The following KREMEN1 variants were observed in gnomAD, a reference collection of about 807,000 sequenced individuals.
The protein encoded by KREMEN1 is kremen protein 1.
Under a neutral mutation model 46.5 loss-of-function variants are expected in KREMEN1, and 30 were observed. The observed-to-expected ratio is 0.65, with a 90% confidence interval of 0.48 to 0.88. The LOEUF (loss-of-function observed/expected upper bound fraction) is 0.88, where lower values mean the gene tolerates loss of function less well. KREMEN1 is among the 40% of genes least tolerant of loss of function. The pLI, the probability that KREMEN1 is intolerant of heterozygous loss-of-function variation, is 0.00. For missense variants in KREMEN1, 533 were observed against 596.9 expected, an observed-to-expected ratio of 0.89 and a Z score of 1.11; for synonymous variants, 214 against 230.6, an observed-to-expected ratio of 0.93 and a Z score of 0.65.
intron 2 of KREMEN1, 145 bp downstream of exon 2, chr22:29,094,565 C>G (rs888521364): frequency 2.3e-6 from 1 of 438,018 alleles, no homozygotes; most frequent in Non-Finnish European, 4.0e-6. Flanking sequence ...ATATTTCTTT[C>G]ACACCTTACA....
intron 3 of KREMEN1, among the ~76,000 whole-genome samples, chr22:29,120,102 TG>T: frequency 1.5e-5 from 1 of 67,488 alleles, no homozygotes; most frequent in Non-Finnish European, 3.1e-5. Context: ...GGAGAGGTGA[TG>T]AAGGAAATGG....
rs528195029 is a variant in KREMEN1, at chr22:29,082,188, A to C, written c.97+8961A>C. Among the ~76,000 whole-genome samples, 5 of 152,210 alleles carry C rather than the reference A, an allele frequency of 3.3e-5. No homozygotes were observed. In the East Asian group the frequency reaches 9.6e-4, roughly 29 times the overall value. On this transcript the variant is annotated intron_variant, in intron 1 of 8. Coordinates refer to ENST00000400335, the MANE Select transcript of KREMEN1 (RefSeq NM_001039570.3). ...GGTGCCTCCTGCTTAAAGCAAACTA[A>C]GAATATAAAATTCATATTTTTATTT...
At chr22:29,136,592 G>A (rs867996723) in intron 5 of KREMEN1, among the ~76,000 whole-genome samples, 6,070 of 146,716 alleles carry the variant, frequency 0.041, 425 homozygotes, top group African/African-American at 0.15. Context: ...AAAAAAAATA[G>A]AATCCTAGCC....
chr22:29,131,546 ATATATATATATATATGTG>A (rs1569331057), intron 5 of KREMEN1, among the ~76,000 whole-genome samples: 1 of 46,370 alleles, frequency 2.2e-5, no homozygotes, highest in African/African-American at 9.2e-5. Flanking sequence ...ATATATATAT[ATATATATATATATATGTG>A]TGTGTGTGTG....
chr22:29,093,390 T>A (rs2037830889), intron 1 of KREMEN1, among the ~76,000 whole-genome samples: 1 of 152,310 alleles, frequency 6.6e-6, no homozygotes, highest in South Asian at 2.1e-4. Flanking sequence ...AAGCTAATTT[T>A]AAAAAATTGT....
intron 1 of KREMEN1, among the ~76,000 whole-genome samples, chr22:29,077,444 G>A (rs550674194): frequency 3.9e-5 from 6 of 152,302 alleles, no homozygotes; most frequent in African/African-American, 1.4e-4. Flanking sequence ...CCGCTTCCCG[G>A]GTTCTAGCAG....
intron 1 of KREMEN1, among the ~76,000 whole-genome samples, chr22:29,079,356 G>T (rs1485323440): frequency 1.3e-5 from 2 of 152,220 alleles, no homozygotes; most frequent in Non-Finnish European, 2.9e-5. Context: ...ACGCAAAGTT[G>T]CCTCTCTCCC....
At chr22:29,091,733 GTC>G (rs750736577) in intron 1 of KREMEN1, among the ~76,000 whole-genome samples, 3 of 151,800 alleles carry the variant, frequency 2.0e-5, no homozygotes, top group African/African-American at 4.8e-5. Context: ...CACACACATT[GTC>G]TCTCTCTCTC....
chr22:29,092,868 G>A (rs1195105471), intron 1 of KREMEN1, among the ~76,000 whole-genome samples: 6 of 152,178 alleles, frequency 3.9e-5, no homozygotes, highest in African/African-American at 1.4e-4. Context: ...CCAGTTACTA[G>A]GGAGGCCGAG....
intron 9 of KREMEN1, among the ~76,000 whole-genome samples, chr22:29,164,331 G>T (rs2039035854): frequency 6.6e-6 from 1 of 152,204 alleles, no homozygotes; most frequent in Non-Finnish European, 1.5e-5. Flanking sequence ...CTGGCACAAT[G>T]ATCTCAATCT....
At chr22:29,093,522 T>C (rs2037833327) in intron 1 of KREMEN1, among the ~76,000 whole-genome samples, 1 of 152,208 alleles carries the variant, frequency 6.6e-6, no homozygotes, top group African/African-American at 2.4e-5. Context: ...TAGAAACACA[T>C]TGTTGCACCT....
rs1246097117 is a variant in KREMEN1 at position 29,155,956 on chromosome 22, T to C, written c.1417-11088T>C. 1.0e-4 allele frequency among the ~76,000 whole-genome samples: 4 copies of C among 38,938 alleles called. 1 individual carries two copies. Among genetic ancestry groups the C allele is most frequent in the Non-Finnish European group, 3.2e-4 (4 of 12,656 alleles). The allele number at this position is 38,938 out of a possible 152,430, so 25.5% of individuals were successfully genotyped here. A position where few individuals can be genotyped will look rare whatever the true frequency, so the allele number is the denominator to read the frequency against. Reference sequence around the variant, plus strand: ...CCTGGGCAACAAGAGTGAAACTCCATCTCAAAAAAAAAAAAAAATTTGGAA... The same window carrying C: ...CCTGGGCAACAAGAGTGAAACTCCACCTCAAAAAAAAAAAAAAATTTGGAA... On this transcript the variant is annotated intron_variant, in intron 9 of 9. Transcript: ENST00000327813.
rs2038850685 is a variant in KREMEN1 at position 29,145,858 on chromosome 22, G to A, written c.*3746G>A. 2 of 985,426 alleles carry A rather than the reference G, an allele frequency of 2.0e-6. No individual in the cohort carries two copies. Among genetic ancestry groups the A allele is most frequent in the Admixed American group, 6.2e-5 (1 of 16,244 alleles). 61.0% of individuals were successfully genotyped at this position (985,426 alleles called of 1,614,324 possible). On this transcript the variant is annotated 3_prime_UTR_variant, in exon 9 of 9. Coordinates refer to ENST00000400335, the MANE Select transcript of KREMEN1 (RefSeq NM_001039570.3). ...AAGCACTAGCAAGTTCAGCTGTCCTGGCCCTCGGGTAGAACCCACGGGCGT... is the reference window on the plus strand; with the variant it reads ...AAGCACTAGCAAGTTCAGCTGTCCTAGCCCTCGGGTAGAACCCACGGGCGT...
Position 29,094,382 on chromosome 22 carries a change from C to A in KREMEN1, c.222C>A (p.Pro74=). 1.2e-6 allele frequency: 2 copies of A among 1,613,794 alleles called. No individual in the cohort carries two copies. Among genetic ancestry groups the A allele is most frequent in the Non-Finnish European group, 1.7e-6 (2 of 1,179,926 alleles). ...ATCCATACAACACTCTGAAATACCC[C>A]AACGGGGAGGGGGGCCTGGGTGAGC... ...FQHPYNTLKY[P]NGEGGLGEHN... Residue 74 remains proline, a synonymous_variant, in exon 2 of 9, where the codon CCC becomes CCA. Coordinates refer to ENST00000400335, the MANE Select transcript of KREMEN1 (RefSeq NM_001039570.3).
chr22:29,166,247 A>G (rs1362456070), intron 9 of KREMEN1, among the ~76,000 whole-genome samples: 1 of 150,408 alleles, frequency 6.6e-6, no homozygotes, highest in African/African-American at 2.5e-5. Context: ...TTTTCCACAA[A>G]TACTTATTGA....
chr22:29,137,265 T>G (rs1018379417), intron 5 of KREMEN1, 77 bp from the exon 6 acceptor site: 1 of 1,026,142 alleles, frequency 9.7e-7, no homozygotes. Flanking sequence ...TTAGGAAGGC[T>G]TTAGTGCCTT....
intron 9 of KREMEN1, among the ~76,000 whole-genome samples, chr22:29,156,380 A>C (rs1055824450): frequency 6.6e-6 from 1 of 152,256 alleles, no homozygotes; most frequent in East Asian, 1.9e-4. Flanking sequence ...AGACAAAAAG[A>C]GAAAGACTCT....
intron 9 of KREMEN1, among the ~76,000 whole-genome samples, chr22:29,165,565 C>T (rs1208829059): frequency 1.3e-5 from 2 of 152,186 alleles, no homozygotes; most frequent in African/African-American, 2.4e-5. Flanking sequence ...CCGCCCACCA[C>T]GTGTTACTTC....
intron 3 of KREMEN1, among the ~76,000 whole-genome samples, chr22:29,111,145 A>T (rs1390657623): frequency 1.3e-5 from 2 of 151,824 alleles, no homozygotes; most frequent in African/African-American, 4.8e-5. Context: ...CATCTCTACA[A>T]GATACACAAA....
Sources: gnomAD v4.1 joint callset for allele counts (sites outside exome capture counted in the v4.1 genomes callset) on GRCh38, gnomAD v4.1.1 for gene constraint, MANE v1.5 for transcripts, NCBI Gene and HGNC (gene_info 2026-07-23, HGNC 2026-07-21) for gene names.